GPAT3: variants seen among roughly 807,000 people sequenced by gnomAD.
The protein encoded by GPAT3 is 1-AGP acyltransferase 9.
A neutral mutation model predicts 58.8 loss-of-function variants in GPAT3; 53 were observed. That is an observed-to-expected ratio of 0.90 (90% CI 0.72 to 1.13). The LOEUF (loss-of-function observed/expected upper bound fraction) is 1.13. Among genes scored for constraint, GPAT3 ranks in the 50% most tolerant of loss-of-function variants. The pLI is 0.00. For synonymous variants in GPAT3, 197 were observed against 187.4 expected (o/e 1.05, Z -0.42); for missense variants, 511 against 527.6 (o/e 0.97, Z 0.31).
chr4:83,587,349 C>G lies in GPAT3; in HGVS notation c.554+20C>G. 1.2e-6 allele frequency: 2 copies of G among 1,601,880 alleles called. No individual in the cohort carries two copies. Among genetic ancestry groups the G allele is most frequent in the South Asian group, 1.1e-5 (1 of 90,570 alleles). ...CAGCAGGTGAAATGTTTCCTTCCAT[C>G]CAGCCATATATAGGACTGTCTTTTT... On this transcript the variant is annotated intron_variant, in intron 4 of 11. Coordinates refer to ENST00000264409, the MANE Select transcript of GPAT3 (RefSeq NM_032717.5).
chr4:83,555,505 C>T (rs1259523501), intron 2 of GPAT3, among the ~76,000 whole-genome samples: 6 of 152,190 alleles, frequency 3.9e-5, no homozygotes, highest in Non-Finnish European at 7.3e-5. Flanking sequence ...GTGGGAGGTG[C>T]ACCCCAGCTT....
Position 83,536,547 on chromosome 4 carries a change from G to C in GPAT3, c.-76G>C. Reference sequence around the variant, plus strand: ...GCGCTCTGCTCCTGGAGCTCCCGCGGGACTGCCTGGGGACAGGGACTGCTG... The same window carrying C: ...GCGCTCTGCTCCTGGAGCTCCCGCGCGACTGCCTGGGGACAGGGACTGCTG... On this transcript the variant is annotated 5_prime_UTR_variant, in exon 1 of 12. Transcript: ENST00000264409. The C allele has an allele frequency of 3.2e-6, 5 of 1,545,216 alleles. No individual in the cohort carries two copies. The highest frequency in any genetic ancestry group is 4.4e-6 in the Non-Finnish European group (5 of 1,145,012).
chr4:83,551,415 G>A (rs919650683), intron 2 of GPAT3, among the ~76,000 whole-genome samples: 6 of 152,004 alleles, frequency 3.9e-5, no homozygotes, highest in East Asian at 1.9e-4. Context: ...AGTATATTGC[G>A]CCTGGCTGGG....
intron 2 of GPAT3, among the ~76,000 whole-genome samples, chr4:83,561,571 A>G (rs962436888): frequency 1.3e-5 from 2 of 151,968 alleles, no homozygotes; most frequent in African/African-American, 4.8e-5. Flanking sequence ...AACCCACATG[A>G]CCTCCCACAA....
At chr4:83,567,241 G>A (rs1026101283) in intron 2 of GPAT3, among the ~76,000 whole-genome samples, 1 of 152,120 alleles carries the variant, frequency 6.6e-6, no homozygotes, top group Non-Finnish European at 1.5e-5. Context: ...TATGTGGATG[G>A]TCTTCAGTGC....
chr4:83,565,820 C>T (rs1385270869), intron 2 of GPAT3, among the ~76,000 whole-genome samples: 1 of 152,186 alleles, frequency 6.6e-6, no homozygotes, highest in Non-Finnish European at 1.5e-5. Flanking sequence ...TCGGCCTCCA[C>T]CCAATTTGTT....
chr4:83,590,450 A>T (rs1243269234), intron 6 of GPAT3, among the ~76,000 whole-genome samples, 158 bp downstream of exon 6: 1 of 152,218 alleles, frequency 6.6e-6, no homozygotes, highest in Non-Finnish European at 1.5e-5. Flanking sequence ...TACATGAGGA[A>T]TATGTAGTGC....
At chr4:83,598,334 C>A (rs901618793) in intron 10 of GPAT3, among the ~76,000 whole-genome samples, 155 bp downstream of exon 10, 3 of 151,954 alleles carry the variant, frequency 2.0e-5, no homozygotes, top group African/African-American at 7.3e-5. Flanking sequence ...TAAATCAGAC[C>A]ATTTTATATT....
chr4:83,587,264 G>A lies in GPAT3; in HGVS notation c.489G>A (p.Leu163=), dbSNP rs1399691850. ...YCVLLPLRVT[L]AFIGISLLVI... ...CTCTTTTCTTTTTCAGGGTTACCTT[G>A]GCTTTCATTGGGATCAGTTTGCTGG... is the stretch of plus-strand genomic sequence containing the variant. Residue 163 remains leucine, a synonymous_variant, in exon 4 of 12, where the codon TTG becomes TTA. Transcript: ENST00000264409. 1 of 1,613,590 alleles carries A rather than the reference G, an allele frequency of 6.2e-7. No individual in the cohort carries two copies. Among genetic ancestry groups the A allele is most frequent in the Non-Finnish European group, 8.5e-7 (1 of 1,179,842 alleles).
chr4:83,597,530 A>G lies in GPAT3; in HGVS notation c.996+15A>G, dbSNP rs767123961. ...TTGCAATTAAGGTAAAACAGATACC[A>G]TAATAAGAATAATAATTATTATAAA... On this transcript the variant is annotated intron_variant, in intron 9 of 11. Transcript: ENST00000264409. 4.3e-6 allele frequency: 6 copies of G among 1,389,610 alleles called. No homozygotes were observed. Among genetic ancestry groups the G allele is most frequent in the Admixed American group, 4.4e-5 (2 of 45,318 alleles). The allele number at this position is 1,389,610 out of a possible 1,614,324, so 86.1% of individuals were successfully genotyped here.
At chr4:83,598,963 A>AT (rs1248435443) in intron 11 of GPAT3, among the ~76,000 whole-genome samples, 11 of 151,118 alleles carry the variant, frequency 7.3e-5, no homozygotes, top group Non-Finnish European at 3.0e-5. Context: ...CTATTTTAAA[A>AT]TTTTTTGTAG....
intron 2 of GPAT3, among the ~76,000 whole-genome samples, chr4:83,572,427 T>G (rs543381587): frequency 6.6e-6 from 1 of 152,338 alleles, no homozygotes; most frequent in African/African-American, 2.4e-5. Context: ...TTAGTCACCT[T>G]ATACCCATCA....
chr4:83,595,561 A>T (rs1415180626), intron 7 of GPAT3, among the ~76,000 whole-genome samples: 1 of 152,140 alleles, frequency 6.6e-6, no homozygotes, highest in African/African-American at 2.4e-5. Context: ...ATCTCTACAA[A>T]AAATAAATAA....
chr4:83,568,408 T>C (rs1011920684), intron 2 of GPAT3, among the ~76,000 whole-genome samples: 2 of 152,202 alleles, frequency 1.3e-5, no homozygotes, highest in African/African-American at 4.8e-5. Context: ...ATGGACCTAT[T>C]GTATGGTATA....
intron 6 of GPAT3, among the ~76,000 whole-genome samples, chr4:83,591,224 G>A (rs532858570): frequency 6.6e-6 from 1 of 152,218 alleles, no homozygotes; most frequent in East Asian, 1.9e-4. Flanking sequence ...GCTGCAAGTA[G>A]GAAGGTGGAG....
intron 2 of GPAT3, 112 bp downstream of exon 2, chr4:83,544,714 T>C: frequency 9.9e-7 from 1 of 1,011,184 alleles, no homozygotes; most frequent in South Asian, 1.4e-5. Flanking sequence ...AGGGTTTGGA[T>C]CTTTCATAAT....
chr4:83,594,701 G>A (rs1261196499), intron 6 of GPAT3, 144 bp from the exon 7 acceptor site: 1 of 614,876 alleles, frequency 1.6e-6, no homozygotes, highest in Non-Finnish European at 2.8e-6. Flanking sequence ...TGGCCTTTCA[G>A]ACTATTTGAT....
chr4:83,583,296 A>AAAAAAAAG (rs1229253247), intron 3 of GPAT3, among the ~76,000 whole-genome samples: 10 of 151,994 alleles, frequency 6.6e-5, no homozygotes, highest in Admixed American at 2.6e-4. Context: ...GCGTATCCAA[A>AAAAAAAAG]AAAAAAAGAA....
At chr4:83,568,413 G>T (rs1462596028) in intron 2 of GPAT3, among the ~76,000 whole-genome samples, 1 of 151,872 alleles carries the variant, frequency 6.6e-6, no homozygotes, top group Non-Finnish European at 1.5e-5. Flanking sequence ...CCTATTGTAT[G>T]GTATATCATA....
Sources: gnomAD v4.1 joint callset for allele counts (sites outside exome capture counted in the v4.1 genomes callset) on GRCh38, gnomAD v4.1.1 for gene constraint, MANE v1.5 for transcripts, NCBI Gene and HGNC (gene_info 2026-07-23, HGNC 2026-07-21) for gene names.